Variants in POLR1C observed in about 807,000 individuals in gnomAD.
The protein encoded by POLR1C is DNA-directed RNA polymerases I and III subunit RPAC1.
POLR1C carries 42 observed loss-of-function variants against 38.3 expected under a neutral mutation model. That is an observed-to-expected ratio of 1.10 (90% CI 0.86 to 1.42). The LOEUF is 1.42. Among genes scored for constraint, POLR1C ranks in the 40% most tolerant of loss-of-function variants. POLR1C has a pLI of 0.00. For missense variants in POLR1C, 507 were observed against 450.5 expected (o/e 1.13, Z -1.14); for synonymous variants, 163 against 163.9 (o/e 0.99, Z 0.04).
intron 9 of POLR1C, among the ~76,000 whole-genome samples, chr6:43,541,592 T>G (rs1407556816): frequency 6.6e-6 from 1 of 152,162 alleles, no homozygotes; most frequent in East Asian, 1.9e-4. Flanking sequence ...CTACACTTTC[T>G]TCTCCTCTCC....
intron 9 of POLR1C, among the ~76,000 whole-genome samples, chr6:43,544,850 GA>G (rs1446088809): frequency 2.6e-5 from 4 of 151,914 alleles, no homozygotes; most frequent in Non-Finnish European, 5.9e-5. Flanking sequence ...TCCTCCTTTA[GA>G]AATCAAAAGA....
chr6:43,559,984 T>C (rs1051675324), intron 10 of POLR1C, among the ~76,000 whole-genome samples: 13 of 152,130 alleles, frequency 8.5e-5, no homozygotes, highest in African/African-American at 3.1e-4. Flanking sequence ...GCCCTGCTAA[T>C]TTTTTTGTAT....
intron 9 of POLR1C, among the ~76,000 whole-genome samples, chr6:43,540,251 G>A (rs780073735): frequency 1.3e-5 from 2 of 152,142 alleles, no homozygotes; most frequent in Non-Finnish European, 2.9e-5. Context: ...TAGCCAGGCC[G>A]GGCGGATCAC....
downstream of POLR1C, chr6:43,524,013 A>G: frequency 6.2e-7 from 1 of 1,611,214 alleles, no homozygotes; most frequent in African/African-American, 1.3e-5. Context: ...TTTCTGTGGA[A>G]AACAAATGAG....
downstream of POLR1C, chr6:43,522,544 A>C (rs1162311822): frequency 1.1e-5 from 3 of 264,594 alleles, no homozygotes; most frequent in African/African-American, 6.7e-5. Flanking sequence ...CACTCTTGAG[A>C]TCGCCTTCAC....
At chr6:43,526,990 A>T in intron 8 of POLR1C, 1 of 502,546 alleles carries the variant, frequency 2.0e-6, no homozygotes, top group Non-Finnish European at 3.6e-6. Flanking sequence ...AGAGTGAGTG[A>T]CTAGGAAAGG....
intron 8 of POLR1C, chr6:43,528,082 C>T: frequency 7.0e-7 from 1 of 1,423,326 alleles, no homozygotes; most frequent in East Asian, 2.5e-5. Context: ...ACAGCAGAAT[C>T]CCTGCCCGCT....
At chr6:43,551,828 G>A (rs1272863495) in intron 10 of POLR1C, among the ~76,000 whole-genome samples, 1 of 152,088 alleles carries the variant, frequency 6.6e-6, no homozygotes, top group African/African-American at 2.4e-5. Context: ...ACCATGCCTG[G>A]CTAATTTTTT....
intron 9 of POLR1C, chr6:43,539,845 C>A (rs1435129899): frequency 1.9e-6 from 1 of 517,672 alleles, no homozygotes; most frequent in African/African-American, 2.0e-5. Flanking sequence ...TCTAATTTAA[C>A]TACTACCAAT....
chr6:43,537,950 C>A (rs1794443593), intron 9 of POLR1C, among the ~76,000 whole-genome samples: 1 of 150,842 alleles, frequency 6.6e-6, no homozygotes, highest in Non-Finnish European at 1.5e-5. Context: ...CACCTGTAAT[C>A]CCAGCTACTC....
chr6:43,531,444 G>A (rs1793973569), downstream of POLR1C: 1 of 1,580,386 alleles, frequency 6.3e-7, no homozygotes, highest in East Asian at 2.2e-5. Flanking sequence ...ACATATCGAG[G>A]AAGAAAATAT....
rs1273959542 is a variant in POLR1C, at chr6:43,520,048, C to T, written c.383-18C>T. The stretch of plus-strand genomic sequence containing the variant: ...TCAGACGTTTACTAGTTCTTAGGAG[C>T]TCCCTCCATTTGTGCAGGAGATGAA... On this transcript the variant is annotated intron_variant, in intron 4 of 8. Coordinates refer to ENST00000642195, the MANE Select transcript of POLR1C (RefSeq NM_203290.4). The T allele has an allele frequency of 2.5e-6, 4 of 1,613,912 alleles. No homozygotes were observed. The highest frequency in any genetic ancestry group is 1.7e-5 in the Admixed American group (1 of 59,958).
intron 10 of POLR1C, chr6:43,560,101 G>T: frequency 6.6e-7 from 1 of 1,517,682 alleles, no homozygotes; most frequent in East Asian, 2.4e-5. Flanking sequence ...TTATAGGCGT[G>T]AGCCACCGCA....
intron 9 of POLR1C, among the ~76,000 whole-genome samples, chr6:43,542,293 G>A (rs1241479266): frequency 6.6e-6 from 1 of 152,136 alleles, no homozygotes; most frequent in African/African-American, 2.4e-5. Context: ...TTCCATGCTG[G>A]ACAGCACAGC....
At chr6:43,531,146 C>A (rs1793949443), downstream of POLR1C, among the ~76,000 whole-genome samples, 1 of 152,206 alleles carries the variant, frequency 6.6e-6, no homozygotes, top group Non-Finnish European at 1.5e-5. Flanking sequence ...ATCCAGCCAC[C>A]CGACTCCTAT....
chr6:43,554,759 C>T (rs1761953861), intron 10 of POLR1C, among the ~76,000 whole-genome samples: 1 of 151,968 alleles, frequency 6.6e-6, no homozygotes, highest in Non-Finnish European at 1.5e-5. Flanking sequence ...TTACATACAG[C>T]GTAGTCCTAT....
downstream of POLR1C, chr6:43,522,881 TCA>T: frequency 4.8e-6 from 1 of 209,806 alleles, no homozygotes; most frequent in South Asian, 5.8e-5. Context: ...TAGAATGGAC[TCA>T]CAGTACAGGT....
rs1168038293 is a variant in POLR1C, at chr6:43,517,397, T to G, written c.141+20T>G. The G allele has an allele frequency of 1.2e-6, 2 of 1,610,718 alleles. No homozygotes were observed. The highest frequency in any genetic ancestry group is 1.3e-5 in the African/African-American group (1 of 74,740). On this transcript the variant is annotated intron_variant, in intron 2 of 8. Coordinates refer to ENST00000642195, the MANE Select transcript of POLR1C (RefSeq NM_203290.4). Reference sequence around the variant, plus strand: ...GAGAAGGTAAGTGGGGCCGGAGTTGTCTGGGGAGGGTTATGAAGGCCAGAC... The same window carrying G: ...GAGAAGGTAAGTGGGGCCGGAGTTGGCTGGGGAGGGTTATGAAGGCCAGAC...
chr6:43,518,661 C>T (rs1792971966), intron 2 of POLR1C, among the ~76,000 whole-genome samples: 1 of 152,090 alleles, frequency 6.6e-6, no homozygotes, highest in Non-Finnish European at 1.5e-5. Context: ...GCTCAGAAAC[C>T]AGGGGAATAG....
Sources: gnomAD v4.1 joint callset for allele counts (sites outside exome capture counted in the v4.1 genomes callset) on GRCh38, gnomAD v4.1.1 for gene constraint, MANE v1.5 for transcripts, NCBI Gene and HGNC (gene_info 2026-07-23, HGNC 2026-07-21) for gene names.